TEKTIP1: variants seen among roughly 807,000 people sequenced by gnomAD.
TEKTIP1 encodes the protein tektin bundle-interacting protein 1.
the TEKTIP1 span, chr19:3,543,579 C>G: frequency 6.5e-6 from 10 of 1,542,174 alleles, no homozygotes; most frequent in South Asian, 1.2e-4. Flanking sequence ...CTGCGGGAGA[C>G]CGCCTGGCAT....
the TEKTIP1 span, chr19:3,543,613 C>G: frequency 3.2e-6 from 5 of 1,544,810 alleles, no homozygotes; most frequent in Non-Finnish European, 4.4e-6. Context: ...CTGCCCAGTA[C>G]CAGGCCCCCA....
the TEKTIP1 span, chr19:3,543,630 G>T: frequency 5.8e-6 from 9 of 1,544,410 alleles, no homozygotes; most frequent in African/African-American, 5.5e-5. Context: ...CCCAGCACCC[G>T]GTGGGGGAGC....
the TEKTIP1 span, chr19:3,541,919 C>A: frequency 3.6e-6 from 2 of 560,550 alleles, no homozygotes; most frequent in Non-Finnish European, 4.5e-6. Flanking sequence ...AGCTAATTCT[C>A]CTGCCTCAGC....
chr19:3,540,398 C>T, the TEKTIP1 span, among the ~76,000 whole-genome samples: 1 of 151,754 alleles, frequency 6.6e-6, no homozygotes, highest in Non-Finnish European at 1.5e-5. Context: ...GCTGGGATTA[C>T]AGGCATGCGC....
At chr19:3,543,872 A>G in the TEKTIP1 span, 1 of 1,549,892 alleles carries the variant, frequency 6.5e-7, no homozygotes, top group East Asian at 2.4e-5. Flanking sequence ...TGTGGAGGGC[A>G]TCAGACTACG....
the TEKTIP1 span, among the ~76,000 whole-genome samples, chr19:3,540,346 C>A: frequency 1.3e-5 from 2 of 151,740 alleles, no homozygotes; most frequent in Non-Finnish European, 2.9e-5. Flanking sequence ...CAACCTCCAA[C>A]TCCCTGGTTC....
the TEKTIP1 span, chr19:3,543,690 G>A: frequency 6.6e-7 from 1 of 1,523,228 alleles, no homozygotes; most frequent in South Asian, 1.2e-5. Flanking sequence ...GGTGAGGCTA[G>A]GTGCAGGGTG....
the TEKTIP1 span, chr19:3,543,664 C>T: frequency 6.5e-6 from 10 of 1,540,688 alleles, no homozygotes; most frequent in Non-Finnish European, 7.9e-6. Context: ...ACAGGCCAAT[C>T]CGGGGCAAGG....
At chr19:3,540,891 C>T in the TEKTIP1 span, among the ~76,000 whole-genome samples, 2 of 141,188 alleles carry the variant, frequency 1.4e-5, no homozygotes, top group South Asian at 2.2e-4. Flanking sequence ...AAAAAAAAAT[C>T]CAGGCGCAGT....
the TEKTIP1 span, chr19:3,543,224 C>T: frequency 1.5e-5 from 23 of 1,540,560 alleles, no homozygotes; most frequent in Non-Finnish European, 1.8e-5. Context: ...CTGCCCCCTG[C>T]CCACCCTCAG....
chr19:3,542,912 C>T, the TEKTIP1 span: 1 of 1,433,668 alleles, frequency 7.0e-7, no homozygotes, highest in Non-Finnish European at 9.4e-7. Context: ...TGGACAAGGA[C>T]TGTAGGAATC....
At chr19:3,542,143 T>C in the TEKTIP1 span, 1 of 985,406 alleles carries the variant, frequency 1.0e-6, no homozygotes, top group Non-Finnish European at 1.2e-6. Context: ...TTTTAAAAGC[T>C]ACATGTGTCT....
the TEKTIP1 span, chr19:3,543,780 C>T: frequency 1.3e-6 from 2 of 1,491,578 alleles, no homozygotes; most frequent in African/African-American, 2.8e-5. Flanking sequence ...CCCTTGCTGG[C>T]CAACGGCGAG....
the TEKTIP1 span, chr19:3,543,459 G>A: frequency 1.3e-6 from 2 of 1,539,974 alleles, no homozygotes; most frequent in Non-Finnish European, 1.7e-6. Flanking sequence ...CACCGTGAGT[G>A]CAGCATGCCA....
chr19:3,540,744 T>C, the TEKTIP1 span, among the ~76,000 whole-genome samples: 1 of 151,182 alleles, frequency 6.6e-6, no homozygotes, highest in South Asian at 2.1e-4. Context: ...CCGGGAATGG[T>C]GGCTCATGCC....
chr19:3,543,515 A>AGG, the TEKTIP1 span: 4 of 1,400,310 alleles, frequency 2.9e-6, no homozygotes, highest in Non-Finnish European at 3.8e-6. Flanking sequence ...GGCCTGCCAG[A>AGG]GGGGGACAGG....
chr19:3,541,168 CAAA>C, the TEKTIP1 span, among the ~76,000 whole-genome samples: 2 of 87,168 alleles, frequency 2.3e-5, no homozygotes, highest in South Asian at 4.3e-4. Context: ...GACTCTGTCT[CAAA>C]AAAAAAAAAA....
At chr19:3,540,536 G>A in the TEKTIP1 span, among the ~76,000 whole-genome samples, 469 of 151,550 alleles carry the variant, frequency 3.1e-3, no homozygotes, top group Non-Finnish European at 4.5e-3. Context: ...GATTACAGGC[G>A]TGAGGCACCG....
At chr19:3,543,980 C>G in the TEKTIP1 span, 1 of 1,548,082 alleles carries the variant, frequency 6.5e-7, no homozygotes, top group Non-Finnish European at 8.7e-7. Context: ...GCCAGCGGTC[C>G]CCGCCTTCCC....
Sources: allele counts gnomAD v4.1 joint callset (sites outside exome capture counted in the v4.1 genomes callset), GRCh38; gene constraint gnomAD v4.1.1; transcripts MANE v1.5; gene names NCBI Gene and HGNC (gene_info 2026-07-23, HGNC 2026-07-21).